DIP2B: variants seen among roughly 807,000 people sequenced by gnomAD.
DIP2B encodes disco-interacting protein 2 homolog B.
A neutral mutation model predicts 198.0 loss-of-function variants in DIP2B; 76 were observed. The ratio of observed to expected loss-of-function variants is 0.38; its 90% CI spans 0.32 to 0.46. DIP2B has a LOEUF of 0.46. Ranked by LOEUF, DIP2B falls within the 20% of genes least tolerant of loss-of-function variation. DIP2B has a pLI of 0.99. For synonymous variants in DIP2B, 701 were observed against 739.1 expected (o/e 0.95, Z 0.84); for missense variants, 1,559 against 1,978.4 (o/e 0.79, Z 4.02).
chr12:50,741,667 A>G, intron 37 of DIP2B, 128 bp downstream of exon 37: 11 of 1,269,330 alleles, frequency 8.7e-6, no homozygotes, highest in Non-Finnish European at 1.1e-5. Flanking sequence ...GGAGTAAGGA[A>G]ATAGACTGAT....
Position 50,744,960 on chromosome 12 carries a change from C to A in DIP2B, c.*121C>A. ...GAGATGGCTACATGATATTCTTCAT[C>A]TCATCCTGTGGGATTCTGCAATCAT... On this transcript the variant is annotated 3_prime_UTR_variant, in exon 38 of 38. Coordinates refer to ENST00000301180, the MANE Select transcript of DIP2B (RefSeq NM_173602.3). 1 of 1,227,224 alleles carries A rather than the reference C, an allele frequency of 8.1e-7. No individual in the cohort carries two copies. Among genetic ancestry groups the A allele is most frequent in the Non-Finnish European group, 1.1e-6 (1 of 887,494 alleles). 76.0% of individuals were successfully genotyped at this position (1,227,224 alleles called of 1,614,324 possible). A position where few individuals can be genotyped will look rare whatever the true frequency, so the allele number is the denominator to read the frequency against.
chr12:50,606,726 G>A (rs886944818), intron 1 of DIP2B, among the ~76,000 whole-genome samples: 6 of 151,396 alleles, frequency 4.0e-5, no homozygotes, highest in South Asian at 2.1e-4. Flanking sequence ...CAACTCTTGC[G>A]TTCAAGCAAT....
intron 1 of DIP2B, among the ~76,000 whole-genome samples, chr12:50,557,955 T>C (rs371135298): frequency 2.0e-5 from 3 of 151,620 alleles, no homozygotes; most frequent in South Asian, 4.2e-4. Flanking sequence ...GAGATTAGCC[T>C]ATGTAACAGA....
chr12:50,598,935 C>A, intron 1 of DIP2B, among the ~76,000 whole-genome samples: 1 of 84,514 alleles, frequency 1.2e-5, no homozygotes, highest in Non-Finnish European at 2.3e-5. Context: ...ACATTTTTGT[C>A]TTTCTTTTGG....
At chr12:50,555,908 A>T (rs1958466458) in intron 1 of DIP2B, among the ~76,000 whole-genome samples, 1 of 152,118 alleles carries the variant, frequency 6.6e-6, no homozygotes, top group Non-Finnish European at 1.5e-5. Context: ...TAGCCTGGCC[A>T]TGTTTGTGTA....
At chr12:50,700,033 C>G (rs1026331046) in intron 19 of DIP2B, among the ~76,000 whole-genome samples, 5 of 152,134 alleles carry the variant, frequency 3.3e-5, no homozygotes, top group East Asian at 1.9e-4. Context: ...TGAAGACTGT[C>G]CTTTCACAGG....
intron 12 of DIP2B, among the ~76,000 whole-genome samples, chr12:50,688,295 G>T (rs1305166845): frequency 6.6e-6 from 1 of 152,086 alleles, no homozygotes; most frequent in Non-Finnish European, 1.5e-5. Flanking sequence ...GAGGTGATGG[G>T]GGTATTATTG....
At chr12:50,734,276 C>T (rs1026397349) in intron 33 of DIP2B, 80 bp downstream of exon 33, 1 of 1,443,590 alleles carries the variant, frequency 6.9e-7, no homozygotes, top group Non-Finnish European at 9.7e-7. Flanking sequence ...AGCATTTTCC[C>T]TCATTCCTTT....
At chr12:50,640,617 G>A in intron 2 of DIP2B, 107 bp from the exon 3 acceptor site, 1 of 1,182,854 alleles carries the variant, frequency 8.5e-7, no homozygotes, top group Non-Finnish European at 1.2e-6. Context: ...TACTGTAGAT[G>A]GGGTAATAGT....
chr12:50,683,850 G>A (rs1399967088), intron 10 of DIP2B, among the ~76,000 whole-genome samples: 1 of 152,012 alleles, frequency 6.6e-6, no homozygotes, highest in Non-Finnish European at 1.5e-5. Flanking sequence ...GGTGGCTCAC[G>A]CCTGTAATCC....
At chr12:50,612,782 A>C (rs1429919848) in intron 1 of DIP2B, among the ~76,000 whole-genome samples, 1 of 152,164 alleles carries the variant, frequency 6.6e-6, no homozygotes, top group Admixed American at 6.5e-5. Context: ...ATACTGCACA[A>C]TTATTTATTC....
chr12:50,672,784 T>C (rs1938876948), intron 5 of DIP2B, among the ~76,000 whole-genome samples: 1 of 152,244 alleles, frequency 6.6e-6, no homozygotes, highest in Non-Finnish European at 1.5e-5. Flanking sequence ...GTGTATATTC[T>C]TCTAGATTTT....
At chr12:50,559,267 A>G (rs1001616706) in intron 1 of DIP2B, among the ~76,000 whole-genome samples, 1 of 148,538 alleles carries the variant, frequency 6.7e-6, no homozygotes, top group South Asian at 2.1e-4. Flanking sequence ...CCTGTAATTT[A>G]GTAGTTAATC....
chr12:50,632,478 C>CAA (rs756895459), intron 2 of DIP2B, among the ~76,000 whole-genome samples: 5,961 of 74,446 alleles, frequency 0.08, 293 homozygotes, highest in African/African-American at 0.15. Context: ...GACTCTGTCT[C>CAA]AAAAAAAAAA....
intron 7 of DIP2B, 45 bp downstream of exon 7, chr12:50,675,493 A>G (rs1938931009): frequency 6.4e-6 from 10 of 1,573,914 alleles, no homozygotes; most frequent in East Asian, 2.4e-5. Flanking sequence ...AAATAAATAT[A>G]TCTTAAGCAG....
intron 7 of DIP2B, among the ~76,000 whole-genome samples, chr12:50,676,601 A>G (rs1262380833): frequency 6.6e-6 from 1 of 152,238 alleles, no homozygotes; most frequent in African/African-American, 2.4e-5. Context: ...AAAAAATTGC[A>G]TTGGCAGAAT....
At position 50,599,307 on chromosome 12, in the gene DIP2B, A is replaced by G. The variant is rs529296838; in HGVS notation, c.101-26669A>G. On this transcript the variant is annotated intron_variant, in intron 1 of 37. Transcript: ENST00000301180. ...ACCCTGTCTCAAAAAAAAAAAAAAA[A>G]AATTAAAATTTAAAAACTCTTGAAC... Among the ~76,000 whole-genome samples the G allele has an allele frequency of 1.2e-3, 180 of 151,598 alleles. 2 individuals are homozygous for G. The highest frequency in any genetic ancestry group is 4.1e-3 in the African/African-American group (169 of 41,324).
chr12:50,547,110 C>G (rs917322147), intron 1 of DIP2B, among the ~76,000 whole-genome samples: 8 of 152,312 alleles, frequency 5.3e-5, no homozygotes, highest in East Asian at 3.9e-4. Context: ...GTGAAAACAT[C>G]ACTTTCTAAA....
intron 4 of DIP2B, among the ~76,000 whole-genome samples, chr12:50,661,538 G>C (rs754488898): frequency 6.6e-6 from 1 of 152,134 alleles, no homozygotes; most frequent in African/African-American, 2.4e-5. Context: ...TAGCTCTGTG[G>C]CTTCAAGTGT....
Sources: allele counts gnomAD v4.1 joint callset (sites outside exome capture counted in the v4.1 genomes callset), GRCh38; gene constraint gnomAD v4.1.1; transcripts MANE v1.5; gene names NCBI Gene and HGNC (gene_info 2026-07-23, HGNC 2026-07-21).